Variants in CPEB2 observed in about 807,000 individuals in gnomAD.
The protein encoded by CPEB2 is cytoplasmic polyadenylation element-binding protein 2.
CPEB2 carries 56 observed loss-of-function variants against 93.6 expected under a neutral mutation model. That is an observed-to-expected ratio of 0.60 (90% CI 0.48 to 0.75). The LOEUF (loss-of-function observed/expected upper bound fraction) is 0.75. Ranked by LOEUF, CPEB2 falls within the 30% of genes least tolerant of loss-of-function variation. The pLI is 0.00. For missense variants in CPEB2, 1,579 were observed against 1,395.1 expected (o/e 1.13, Z -2.10); for synonymous variants, 764 against 586.3 (o/e 1.30, Z -4.38).
Position 15,062,067 on chromosome 4 carries a change from T to C in CPEB2, c.2696-12T>C. The C allele has an allele frequency of 6.3e-7, 1 of 1,583,840 alleles. No individual in the cohort carries two copies. Among genetic ancestry groups the C allele is most frequent in the African/African-American group, 1.4e-5 (1 of 73,788 alleles). ...CTCTCACATTTGATGTAAACTTCTT[T>C]TCCTTTTCAAGTGGAACTTGCTATG... is the stretch of plus-strand genomic sequence containing the variant. On this transcript the variant is annotated splice_polypyrimidine_tract_variant and intron_variant, in intron 10 of 11. Coordinates refer to ENST00000538197, the MANE Select transcript of CPEB2 (RefSeq NM_001177382.2).
At position 15,007,836 on chromosome 4, in the gene CPEB2, A is replaced by G. The variant is rs372247457; in HGVS notation, c.1944+250A>G. Among the ~76,000 whole-genome samples, 45 of 152,384 alleles carry G rather than the reference A, an allele frequency of 3.0e-4. No homozygotes were observed. The South Asian group carries it at 9.3e-3, about 32-fold the overall frequency. The stretch of plus-strand genomic sequence containing the variant: ...GAAAAACCTTTTGTATTTATTAAAT[A>G]CATACTGAAGCTTTCAATTAGCAGC... On this transcript the variant is annotated intron_variant, in intron 2 of 11. Transcript: ENST00000538197.
At chr4:15,013,308 CAG>C (rs1221396541) in intron 3 of CPEB2, among the ~76,000 whole-genome samples, 2 of 151,842 alleles carry the variant, frequency 1.3e-5, no homozygotes, top group Non-Finnish European at 2.9e-5. Context: ...GATTGTTTGC[CAG>C]ATAGTTTTTA....
chr4:15,048,888 G>A (rs1367168059), intron 6 of CPEB2, among the ~76,000 whole-genome samples: 1 of 151,716 alleles, frequency 6.6e-6, no homozygotes, highest in Non-Finnish European at 1.5e-5. Context: ...TCCTTTTATT[G>A]TCATATTAAT....
chr4:15,040,360 C>G, intron 5 of CPEB2, 104 bp from the exon 6 acceptor site: 1 of 1,028,778 alleles, frequency 9.7e-7, no homozygotes, highest in Non-Finnish European at 1.4e-6. Context: ...CAAAGTAGCA[C>G]TAATTTTCAG....
At chr4:15,035,637 A>G (rs557800849) in intron 5 of CPEB2, among the ~76,000 whole-genome samples, 2 of 152,326 alleles carry the variant, frequency 1.3e-5, no homozygotes, top group South Asian at 2.1e-4. Flanking sequence ...TAAGTAGCCA[A>G]CAAAGATGGC....
At position 15,007,518 on chromosome 4, in the gene CPEB2, C is replaced by A. The variant is rs778509753; in HGVS notation, c.1876C>A (p.Pro626Thr). The A allele has an allele frequency of 6.2e-7, 1 of 1,613,828 alleles. No homozygotes were observed. Among genetic ancestry groups the A allele is most frequent in the Non-Finnish European group, 8.5e-7 (1 of 1,179,768 alleles). ...KFTRSTPSLT[P>T]KSWIEDNVFR... ...TACTCGCTCAACTCCATCACTGACT[C>A]CAAAATCTTGGATTGAAGATAATGT... Residue 626 changes from proline to threonine, a missense_variant, in exon 2 of 12, where the codon CCA becomes ACA. Physicochemically the swap from Pro to Thr is conservative, Grantham distance 38 (BLOSUM62 -1). Transcript: ENST00000538197.
rs956271462 is a variant in CPEB2, at chr4:15,051,773, A to C, written c.2201-641A>C. Among the ~76,000 whole-genome samples, 6 of 152,318 alleles carry C rather than the reference A, an allele frequency of 3.9e-5. No individual in the cohort carries two copies. In the East Asian group the frequency reaches 1.2e-3, roughly 29 times the overall value. On this transcript the variant is annotated intron_variant, in intron 6 of 11. Coordinates refer to ENST00000538197, the MANE Select transcript of CPEB2 (RefSeq NM_001177382.2). ...AGTTTTGTGGAGGGATTACCCACAG[A>C]GTGGGGATTACTTCAGAGGATTGTG...
Position 15,003,885 on chromosome 4 carries a change from G to A in CPEB2, c.1212G>A (p.Gln404=). 2.3e-6 allele frequency: 2 copies of A among 872,520 alleles called. No individual in the cohort carries two copies. Among genetic ancestry groups the A allele is most frequent in the Admixed American group, 3.8e-5 (1 of 26,300 alleles). 54.0% of individuals were successfully genotyped at this position (872,520 alleles called of 1,614,324 possible). The part of the protein sequence containing the change: ...PQQPPPTQPQ[Q]QPPPPQQPPQ... ...AGCCGCCGCCGACCCAGCCGCAGCA[G>A]CAGCCGCCGCCACCCCAGCAGCCGC... The change falls in exon 1 of 12, where the codon CAG becomes CAA. Residue 404 remains glutamine (Q), a synonymous_variant. Transcript: ENST00000538197.
intron 7 of CPEB2, among the ~76,000 whole-genome samples, chr4:15,053,822 A>G (rs1482981823): frequency 6.6e-6 from 1 of 152,040 alleles, no homozygotes; most frequent in Admixed American, 6.6e-5. Flanking sequence ...ATCCAGTGCT[A>G]TTTGTGGTTT....
intron 6 of CPEB2, among the ~76,000 whole-genome samples, chr4:15,046,824 A>G (rs113668509): frequency 7.9e-5 from 12 of 152,320 alleles, no homozygotes; most frequent in African/African-American, 2.9e-4. Context: ...CTAAATTTTA[A>G]TAAAAATCCA....
chr4:15,050,889 T>C (rs149451148), intron 6 of CPEB2, among the ~76,000 whole-genome samples: 1,665 of 152,320 alleles, frequency 0.011, 29 homozygotes, highest in African/African-American at 0.038. Context: ...CTCCAAATTA[T>C]TTTCTCAGAA....
intron 6 of CPEB2, among the ~76,000 whole-genome samples, chr4:15,050,986 T>C (rs1728169591): frequency 2.6e-5 from 4 of 152,262 alleles, no homozygotes; most frequent in Admixed American, 2.0e-4. Context: ...AAACTTTACA[T>C]CTAAAGCTTA....
At chr4:15,029,899 C>G (rs1041501342) in intron 4 of CPEB2, among the ~76,000 whole-genome samples, 1 of 152,110 alleles carries the variant, frequency 6.6e-6, no homozygotes, top group Non-Finnish European at 1.5e-5. Context: ...TACAGTACTT[C>G]CCAGAAATTG....
At chr4:15,015,714 C>T (rs2702520) in intron 3 of CPEB2, among the ~76,000 whole-genome samples, 20,361 of 151,882 alleles carry the variant, frequency 0.13, 2,333 homozygotes, top group South Asian at 0.32. Flanking sequence ...AAATTATGTA[C>T]ACACTAGTCC....
intron 4 of CPEB2, among the ~76,000 whole-genome samples, chr4:15,032,124 G>T (rs923541801): frequency 6.6e-6 from 1 of 152,102 alleles, no homozygotes; most frequent in African/African-American, 2.4e-5. Context: ...GAGAGACAGG[G>T]TCTTGCCCTG....
At position 15,067,735 on chromosome 4, in the gene CPEB2, A is replaced by G. The variant is rs1382393734; in HGVS notation, c.*1355A>G. The G allele has an allele frequency of 6.6e-6, 1 of 152,448 alleles. No homozygotes were observed. The highest frequency in any genetic ancestry group is 2.4e-5 in the African/African-American group (1 of 41,432). The allele number at this position is 152,448 out of a possible 1,614,324, so 9.4% of individuals were successfully genotyped here. ...AATTAAATTTTACCTTTATAAGACA[A>G]TGGTGAAATCTGGCTTGAACTTGCT... On this transcript the variant is annotated 3_prime_UTR_variant, in exon 12 of 12. Coordinates refer to ENST00000538197, the MANE Select transcript of CPEB2 (RefSeq NM_001177382.2).
At chr4:15,011,979 T>G (rs1261255299) in intron 3 of CPEB2, among the ~76,000 whole-genome samples, 2 of 150,448 alleles carry the variant, frequency 1.3e-5, no homozygotes, top group African/African-American at 4.9e-5. Context: ...TAGGCTGTTA[T>G]GATAATGTGG....
intron 2 of CPEB2, among the ~76,000 whole-genome samples, chr4:15,007,797 C>G (rs553974055): frequency 3.2e-4 from 49 of 152,130 alleles, no homozygotes; most frequent in African/African-American, 1.2e-3. Context: ...GGAAAATAAG[C>G]TTAGTAAAAC....
intron 11 of CPEB2, among the ~76,000 whole-genome samples, chr4:15,062,476 C>T (rs1002226905): frequency 9.9e-5 from 15 of 151,918 alleles, no homozygotes; most frequent in African/African-American, 3.6e-4. Flanking sequence ...CATTGTGCAG[C>T]CATGTCAAAA....
Sources: gnomAD v4.1 joint callset for allele counts (sites outside exome capture counted in the v4.1 genomes callset) on GRCh38, gnomAD v4.1.1 for gene constraint, MANE v1.5 for transcripts, NCBI Gene and HGNC (gene_info 2026-07-23, HGNC 2026-07-21) for gene names.